Variants in HSD17B4 observed in about 807,000 individuals in gnomAD.
HSD17B4 encodes the protein peroxisomal multifunctional enzyme type 2.
A neutral mutation model predicts 101.0 loss-of-function variants in HSD17B4; 70 were observed. The ratio of observed to expected loss-of-function variants is 0.69; its 90% confidence interval spans 0.57 to 0.85. HSD17B4 has a LOEUF of 0.85. HSD17B4 is among the 40% of genes least tolerant of loss of function. The pLI, the probability that HSD17B4 is intolerant of heterozygous loss-of-function variation, is 0.00. For synonymous variants in HSD17B4, 347 were observed against 297.1 expected, an observed-to-expected ratio of 1.17 and a Z score of -1.73; for missense variants, 984 against 892.4, an observed-to-expected ratio of 1.10 and a Z score of -1.31.
At chr5:119,528,787 A>G (rs1753815539) in intron 20 of HSD17B4, among the ~76,000 whole-genome samples, 1 of 152,100 alleles carries the variant, frequency 6.6e-6, no homozygotes, top group African/African-American at 2.4e-5. Context: ...CCATTTTGTT[A>G]AATTCTAAGC....
intron 2 of HSD17B4, among the ~76,000 whole-genome samples, chr5:119,458,942 C>G (rs1202445043): frequency 2.6e-5 from 4 of 152,070 alleles, no homozygotes; most frequent in African/African-American, 4.8e-5. Flanking sequence ...GACATAAACA[C>G]AAGAAGGACT....
intron 22 of HSD17B4, chr5:119,536,193 C>T (rs2126914468): frequency 4.3e-6 from 2 of 463,744 alleles, no homozygotes; most frequent in East Asian, 4.4e-5. Flanking sequence ...TGAGCCACTA[C>T]AGAACTGGAA....
intron 22 of HSD17B4, among the ~76,000 whole-genome samples, chr5:119,532,606 ATAAC>A (rs913508353): frequency 3.3e-5 from 5 of 152,130 alleles, no homozygotes; most frequent in Admixed American, 6.6e-5. Flanking sequence ...TATTTCATAA[ATAAC>A]TAACATATTT....
rs1400241609 is a variant in HSD17B4, at chr5:119,541,909, T to C, written c.2126T>C (p.Phe709Ser). ...TTTTCCCTCCTCTCCTTGCAGGCAT[T>C]CTTTAGTGGCAGGCTGAAGGCCAGA... Reference protein sequence around the residue: ...VLGKLDPQKAFFSGRLKARGN... With the variant: ...VLGKLDPQKASFSGRLKARGN... Residue 709 changes from phenylalanine to serine, a missense_variant, in exon 24 of 24, where the codon TTC (phenylalanine) becomes TCC (serine). Physicochemically the swap from Phe to Ser is radical, Grantham distance 155. Transcript: ENST00000510025. 1 of 1,607,150 alleles carries C rather than the reference T, an allele frequency of 6.2e-7. No homozygotes were observed. The highest frequency in any genetic ancestry group is 8.5e-7 in the Non-Finnish European group (1 of 1,174,154).
At chr5:119,458,716 C>A (rs970991155) in intron 2 of HSD17B4, among the ~76,000 whole-genome samples, 2 of 152,042 alleles carry the variant, frequency 1.3e-5, no homozygotes, top group Non-Finnish European at 2.9e-5. Context: ...GTTTTATATT[C>A]CATAATATAA....
rs574114665 is a variant in HSD17B4, at chr5:119,471,785, A to AT, written c.113-2117dup. 3.5e-4 allele frequency: 246 copies of AT among 698,972 alleles called. 2 individuals are homozygous for AT. The East Asian group carries it at 6.3e-3, about 18-fold the overall frequency. The allele number at this position is 698,972 out of a possible 1,614,324, so 43.3% of individuals were successfully genotyped here. The stretch of plus-strand genomic sequence containing the variant: ...TTAGTTTTTGCATGTTATTTTGTAA[A>AT]TTTTTTCATAAATTATTGTGTAAAT... On this transcript the variant is annotated intron_variant, in intron 2 of 23. Transcript: ENST00000510025.
chr5:119,529,912 A>T lies in HSD17B4; in HGVS notation c.1786A>T (p.Ile596Phe). The T allele has an allele frequency of 6.2e-7, 1 of 1,604,772 alleles. No individual in the cohort carries two copies. Reference sequence around the variant, plus strand: ...TCCTAAGGTCCAAGAAACTGGAGACATTGTCATTTCAAATGCATATGTGGA... The same window carrying T: ...TCCTAAGGTCCAAGAAACTGGAGACTTTGTCATTTCAAATGCATATGTGGA... ...FQTKVQETGD[I>F]VISNAYVDLA... The change falls in exon 21 of 24, where the codon ATT becomes TTT. Residue 596 changes from isoleucine (I) to phenylalanine (F), a missense_variant. Coordinates refer to ENST00000510025, the MANE Select transcript of HSD17B4 (RefSeq NM_000414.4).
intron 2 of HSD17B4, among the ~76,000 whole-genome samples, chr5:119,464,408 A>G (rs1278066102): frequency 2.0e-5 from 3 of 152,064 alleles, no homozygotes; most frequent in East Asian, 3.9e-4. Context: ...TTGCATATGG[A>G]TATCCAGTTT....
rs201767875 is a variant in HSD17B4, at chr5:119,506,883, A to T, written c.1327A>T (p.Met443Leu). The T allele has an allele frequency of 3.6e-5, 54 of 1,485,588 alleles. No individual in the cohort carries two copies. The East Asian group carries it at 1.1e-3, about 30-fold the overall frequency. 92.0% of individuals were successfully genotyped at this position (1,485,588 alleles called of 1,614,324 possible). The stretch of plus-strand genomic sequence containing the variant: ...TAAAGGATCCGGTGTAGTGATTATT[A>T]TGGATGGTAATTTATTTACAATTCT... Reference protein sequence around the residue: ...LDKGSGVVIIMDVYSYSEKEL... With the variant: ...LDKGSGVVIILDVYSYSEKEL... Residue 443 changes from methionine to leucine, a missense_variant, in exon 15 of 24, where the codon ATG (methionine) becomes TTG (leucine). Coordinates refer to ENST00000510025, the MANE Select transcript of HSD17B4 (RefSeq NM_000414.4).
At chr5:119,510,465 T>C (rs745562262) in intron 16 of HSD17B4, among the ~76,000 whole-genome samples, 15 of 152,206 alleles carry the variant, frequency 9.9e-5, no homozygotes, top group Non-Finnish European at 2.1e-4. Flanking sequence ...GGTAATAAGA[T>C]TATACTGTAG....
chr5:119,501,520 T>G (rs1481392143), intron 13 of HSD17B4, among the ~76,000 whole-genome samples: 1 of 152,124 alleles, frequency 6.6e-6, no homozygotes, highest in Non-Finnish European at 1.5e-5. Context: ...TATCTACTCT[T>G]TGTAGATAAT....
chr5:119,510,788 G>T (rs1051781470), intron 16 of HSD17B4, among the ~76,000 whole-genome samples: 6 of 152,270 alleles, frequency 3.9e-5, no homozygotes, highest in Middle Eastern at 3.4e-3. Flanking sequence ...TGTACCCCAG[G>T]CGTTTGCAGC....
In HSD17B4 at chr5:119,510,459, A is replaced by G. The variant is rs542706566; in HGVS notation, c.1437+1215A>G. On this transcript the variant is annotated intron_variant, in intron 16 of 23. Transcript: ENST00000510025. The stretch of plus-strand genomic sequence containing the variant: ...CTTTACCTTTAAGTTACTTGTGGTA[A>G]TAAGATTATACTGTAGTCAATATTC... Among the ~76,000 whole-genome samples the G allele has an allele frequency of 9.2e-5, 14 of 152,282 alleles. No individual in the cohort carries two copies. In the South Asian group the frequency reaches 2.5e-3, roughly 27 times the overall value.
chr5:119,508,031 G>T (rs192431099), intron 15 of HSD17B4, among the ~76,000 whole-genome samples: 2 of 151,816 alleles, frequency 1.3e-5, no homozygotes, highest in Admixed American at 6.6e-5. Context: ...CTTTATTTTT[G>T]CTTAATAATC....
intron 2 of HSD17B4, among the ~76,000 whole-genome samples, chr5:119,465,669 A>T (rs1383102334): frequency 2.0e-5 from 3 of 152,076 alleles, no homozygotes; most frequent in Non-Finnish European, 2.9e-5. Flanking sequence ...TTGTATGTTG[A>T]TTTTCTATTC....
At chr5:119,474,097 C>G (rs1227174752) in intron 3 of HSD17B4, 82 bp downstream of exon 3, 3 of 818,876 alleles carry the variant, frequency 3.7e-6, no homozygotes, top group Non-Finnish European at 6.3e-6. Flanking sequence ...GAGCAAATAT[C>G]TCAGTATTCC....
At chr5:119,527,720 T>C (rs893078985) in intron 20 of HSD17B4, among the ~76,000 whole-genome samples, 1 of 152,150 alleles carries the variant, frequency 6.6e-6, no homozygotes, top group African/African-American at 2.4e-5. Flanking sequence ...TAAAATAATT[T>C]TGCAGAGTTA....
chr5:119,502,612 G>A (rs536356844), intron 14 of HSD17B4, among the ~76,000 whole-genome samples: 22 of 150,402 alleles, frequency 1.5e-4, no homozygotes, highest in African/African-American at 4.9e-4. Context: ...CACTATAATT[G>A]GATATATTTA....
At chr5:119,461,127 A>G (rs992131431) in intron 2 of HSD17B4, among the ~76,000 whole-genome samples, 2 of 152,218 alleles carry the variant, frequency 1.3e-5, no homozygotes, top group Non-Finnish European at 2.9e-5. Flanking sequence ...AATGTACATA[A>G]TAGTCATCAA....
Sources: gnomAD v4.1 joint callset for allele counts (sites outside exome capture counted in the v4.1 genomes callset) on GRCh38, gnomAD v4.1.1 for gene constraint, MANE v1.5 for transcripts, NCBI Gene and HGNC (gene_info 2026-07-23, HGNC 2026-07-21) for gene names.